Variants in PDE4D observed in about 807,000 individuals in gnomAD.
PDE4D encodes phosphodiesterase 4D, also known as 3',5'-cyclic-AMP phosphodiesterase 4D.
Under a neutral mutation model 87.4 loss-of-function variants are expected in PDE4D, and 24 were observed. The ratio of observed to expected loss-of-function variants is 0.27; its 90% CI spans 0.20 to 0.39. The LOEUF (loss-of-function observed/expected upper bound fraction) is 0.39, where lower values mean the gene tolerates loss of function less well. Ranked by LOEUF, PDE4D falls within the 10% of genes least tolerant of loss-of-function variation. The probability of loss-of-function intolerance (pLI) is 1.00; values close to 1 mark genes in which losing one functional copy is unlikely to be tolerated. For missense variants in PDE4D, 714 were observed against 1,041.0 expected (o/e 0.69, Z 4.32); for synonymous variants, 384 against 383.2 (o/e 1.00, Z -0.02).
intron 2 of PDE4D, among the ~76,000 whole-genome samples, chr5:60,103,115 G>C (rs563471933): frequency 7.2e-5 from 11 of 152,136 alleles, no homozygotes; most frequent in Admixed American, 7.2e-4. Flanking sequence ...CTGCAGGGAG[G>C]TACCATGACT....
At chr5:59,143,608 C>T (rs1413792656) in intron 5 of PDE4D, among the ~76,000 whole-genome samples, 1 of 152,104 alleles carries the variant, frequency 6.6e-6, no homozygotes, top group East Asian at 1.9e-4. Context: ...ATAGTAAGTA[C>T]TCAATAAATA....
intron 1 of PDE4D, among the ~76,000 whole-genome samples, chr5:59,876,838 T>C (rs1232376751): frequency 1.3e-5 from 2 of 152,084 alleles, no homozygotes; most frequent in African/African-American, 2.4e-5. Context: ...TTTTATCTCA[T>C]AGAAAGGGAA....
intron 2 of PDE4D, among the ~76,000 whole-genome samples, chr5:60,082,924 T>TCATA (rs1774116532): frequency 6.6e-6 from 1 of 152,240 alleles, no homozygotes. Context: ...ATTTCTCAGG[T>TCATA]CATAGCTAAA....
chr5:59,744,273 T>C (rs989744570), intron 1 of PDE4D, among the ~76,000 whole-genome samples: 3 of 152,190 alleles, frequency 2.0e-5, no homozygotes, highest in African/African-American at 7.2e-5. Context: ...CCCACTGTAC[T>C]GTATGCAAGC....
intron 1 of PDE4D, among the ~76,000 whole-genome samples, chr5:59,883,480 G>T (rs1340932051): frequency 6.6e-6 from 1 of 152,146 alleles, no homozygotes; most frequent in African/African-American, 2.4e-5. Context: ...GATTTTCAAT[G>T]AATGGAACTT....
chr5:59,409,011 G>T (rs368672708), intron 1 of PDE4D, among the ~76,000 whole-genome samples: 1 of 152,060 alleles, frequency 6.6e-6, no homozygotes, highest in Non-Finnish European at 1.5e-5. Flanking sequence ...AGCTGGGCAT[G>T]ACAGCGGGTG....
intron 1 of PDE4D, among the ~76,000 whole-genome samples, chr5:59,427,597 G>A (rs1298398966): frequency 6.6e-6 from 1 of 152,076 alleles, no homozygotes; most frequent in African/African-American, 2.4e-5. Flanking sequence ...ACTTTGGGAG[G>A]CCAAGGCAGG....
At chr5:60,233,404 T>A (rs1746039541) in intron 1 of PDE4D, among the ~76,000 whole-genome samples, 1 of 151,874 alleles carries the variant, frequency 6.6e-6, no homozygotes, top group South Asian at 2.1e-4. Context: ...AAGACATAGT[T>A]ATAGAACTGT....
chr5:59,354,853 C>T (rs2153589081), intron 1 of PDE4D, among the ~76,000 whole-genome samples: 1 of 152,280 alleles, frequency 6.6e-6, no homozygotes, highest in East Asian at 1.9e-4. Flanking sequence ...TGTAAGGAAA[C>T]TTCTAACCTC....
intron 3 of PDE4D, among the ~76,000 whole-genome samples, chr5:59,907,428 T>C (rs942511670): frequency 6.6e-6 from 1 of 152,094 alleles, no homozygotes; most frequent in African/African-American, 2.4e-5. Flanking sequence ...AGGGTCTATC[T>C]ACTTGATGGT....
intron 1 of PDE4D, among the ~76,000 whole-genome samples, chr5:60,475,433 A>C (rs1222768280): frequency 6.6e-6 from 1 of 152,138 alleles, no homozygotes; most frequent in East Asian, 1.9e-4. Flanking sequence ...ATAAGGAGAA[A>C]AATATAAGGC....
rs553111384 is a variant in PDE4D, at chr5:59,032,648, C to A, written c.921+6211G>T. Among the ~76,000 whole-genome samples the A allele has an allele frequency of 3.2e-4, 49 of 152,288 alleles. 1 individual carries two copies. Among genetic ancestry groups the A allele is most frequent in the Non-Finnish European group, 2.5e-4 (17 of 68,020 alleles). ...TAAAGAATAGAAAAGTCATGTTTTT[C>A]TTCTAAGAAATATTATGTTTTTACA... On this transcript the variant is annotated intron_variant, in intron 6 of 14. Coordinates refer to ENST00000340635, the MANE Select transcript of PDE4D (RefSeq NM_001104631.2).
intron 3 of PDE4D, among the ~76,000 whole-genome samples, chr5:59,981,073 A>G (rs4700348): frequency 0.62 from 94,523 of 151,850 alleles, 32,071 homozygotes; most frequent in East Asian, 0.83. Flanking sequence ...CCAACATGGC[A>G]AAACCCCATT....
chr5:59,943,913 T>TTAC (rs1757450098), intron 3 of PDE4D, among the ~76,000 whole-genome samples: 1 of 152,008 alleles, frequency 6.6e-6, no homozygotes, highest in Admixed American at 6.5e-5. Context: ...GGGACTATTA[T>TTAC]GGCAGACGAA....
chr5:60,202,267 A>T (rs911938566), intron 1 of PDE4D, among the ~76,000 whole-genome samples: 4 of 152,086 alleles, frequency 2.6e-5, no homozygotes, highest in African/African-American at 7.2e-5. Context: ...GGCTCAAGTG[A>T]TCCTCCCACC....
intron 3 of PDE4D, among the ~76,000 whole-genome samples, chr5:59,960,980 C>T (rs918849204): frequency 6.6e-6 from 1 of 152,136 alleles, no homozygotes; most frequent in East Asian, 1.9e-4. Context: ...GCACTATAGG[C>T]TCTCAATGCA....
intron 1 of PDE4D, among the ~76,000 whole-genome samples, chr5:59,246,950 T>C (rs1479561430): frequency 6.6e-6 from 1 of 152,196 alleles, no homozygotes; most frequent in East Asian, 1.9e-4. Context: ...CACACTTTTA[T>C]AGAATGAGAA....
At chr5:59,729,577 T>C (rs1337747120) in intron 1 of PDE4D, among the ~76,000 whole-genome samples, 1 of 152,020 alleles carries the variant, frequency 6.6e-6, no homozygotes, top group Non-Finnish European at 1.5e-5. Context: ...CAGAAACAGA[T>C]GAGGTCTGTA....
rs570074540 is a variant in PDE4D, at chr5:60,352,273, G to A, written c.-90+135669C>T. On this transcript the variant is annotated intron_variant, in intron 1 of 16. Transcript: ENST00000502484. ...TTTGCCTGTCTATTCAGCTTAGCATGGCTCACAGTTACTGGACAGTTTGCA... is the reference window on the plus strand; with the variant it reads ...TTTGCCTGTCTATTCAGCTTAGCATAGCTCACAGTTACTGGACAGTTTGCA... 2.0e-5 allele frequency among the ~76,000 whole-genome samples: 3 copies of A among 152,280 alleles called. No homozygotes were observed. The South Asian group carries it at 6.2e-4, about 32-fold the overall frequency.
Sources: gnomAD v4.1 joint callset for allele counts (sites outside exome capture counted in the v4.1 genomes callset) on GRCh38, gnomAD v4.1.1 for gene constraint, MANE v1.5 for transcripts, NCBI Gene and HGNC (gene_info 2026-07-23, HGNC 2026-07-21) for gene names.